The following DLG1 variants were observed in gnomAD, a reference collection of about 807,000 sequenced individuals.
DLG1 encodes disks large homolog 1.
A neutral mutation model predicts 123.4 loss-of-function variants in DLG1; 42 were observed. That is an observed-to-expected ratio of 0.34 (90% CI 0.27 to 0.44). The LOEUF (loss-of-function observed/expected upper bound fraction) is 0.44, where lower values mean the gene tolerates loss of function less well. Among genes scored for constraint, DLG1 ranks in the 20% least tolerant of loss-of-function variants. The pLI is 1.00. For synonymous variants in DLG1, 317 were observed against 356.2 expected (o/e 0.89, Z 1.24); for missense variants, 942 against 1,082.6 (o/e 0.87, Z 1.82).
chr3:197,122,758 TAAG>T (rs1040993444), intron 11 of DLG1, among the ~76,000 whole-genome samples: 39 of 152,238 alleles, frequency 2.6e-4, no homozygotes, highest in Non-Finnish European at 2.6e-4. Flanking sequence ...AGAGAGAATG[TAAG>T]AAGGACTTCA....
At chr3:197,229,810 G>C (rs979067594) in intron 4 of DLG1, among the ~76,000 whole-genome samples, 3 of 152,132 alleles carry the variant, frequency 2.0e-5, no homozygotes, top group African/African-American at 7.2e-5. Flanking sequence ...ATCCAAATAT[G>C]ATTATTTGGA....
At chr3:197,109,154 A>C (rs1186353600) in intron 13 of DLG1, among the ~76,000 whole-genome samples, 4 of 152,216 alleles carry the variant, frequency 2.6e-5, no homozygotes, top group African/African-American at 9.6e-5. Context: ...TCACTTGAGT[A>C]CAACACTTTG....
At chr3:197,084,761 A>C (rs547538548) in intron 16 of DLG1, among the ~76,000 whole-genome samples, 20 of 151,610 alleles carry the variant, frequency 1.3e-4, no homozygotes, top group African/African-American at 4.4e-4. Context: ...TTTTATGTGT[A>C]TATTTTATAT....
intron 20 of DLG1, among the ~76,000 whole-genome samples, chr3:197,066,477 T>C (rs1328168402): frequency 6.6e-6 from 1 of 152,138 alleles, no homozygotes; most frequent in Non-Finnish European, 1.5e-5. Flanking sequence ...GGAACAAAGT[T>C]GCTTGGGAAA....
At chr3:197,273,849 C>CAA (rs58880007) in intron 4 of DLG1, among the ~76,000 whole-genome samples, 2 of 48,708 alleles carry the variant, frequency 4.1e-5, no homozygotes, top group Non-Finnish European at 7.6e-5. Context: ...TAATAGCTAC[C>CAA]AAAAAAAAAA....
chr3:197,282,764 G>A lies in DLG1; in HGVS notation c.233C>T (p.Pro78Leu), dbSNP rs113378155. Residue 78 changes from proline to leucine, a missense_variant, in exon 4 of 25, where the codon CCT (proline) becomes CTT (leucine). Pro to Leu is a moderately conservative substitution (Grantham distance 98). Coordinates refer to ENST00000667157, the MANE Select transcript of DLG1 (RefSeq NM_001366207.1). ...GCTGGAAATCTCCCAAGTATTCACA[G>A]GTTGAATTGGTTCAGACGGCTTTGA... ...DRSKPSEPIQ[P>L]VNTWEISSLP... 14 of 1,612,036 alleles carry A rather than the reference G, an allele frequency of 8.7e-6. No homozygotes were observed. The highest frequency in any genetic ancestry group is 1.7e-4 in the Middle Eastern group (1 of 6,056).
intron 3 of DLG1, among the ~76,000 whole-genome samples, chr3:197,287,055 A>T (rs1465566205): frequency 2.0e-5 from 3 of 151,140 alleles, no homozygotes; most frequent in African/African-American, 7.3e-5. Flanking sequence ...TTTTTTTCCT[A>T]AGACAGGGTC....
intron 4 of DLG1, among the ~76,000 whole-genome samples, chr3:197,197,824 G>A (rs186463421): frequency 6.6e-6 from 1 of 152,320 alleles, no homozygotes; most frequent in African/African-American, 2.4e-5. Context: ...ATTGAATAAA[G>A]AGTCCAGAAA....
intron 6 of DLG1, 75 bp from the exon 7 acceptor site, chr3:197,142,843 G>A: frequency 1.7e-6 from 2 of 1,159,090 alleles, no homozygotes; most frequent in Admixed American, 2.2e-5. Flanking sequence ...ATTTTTGTAT[G>A]ATTTATTAAT....
At chr3:197,087,664 CT>C (rs757649188) in intron 15 of DLG1, among the ~76,000 whole-genome samples, 25 of 152,090 alleles carry the variant, frequency 1.6e-4, no homozygotes, top group Non-Finnish European at 3.5e-4. Context: ...CTGGATGATG[CT>C]AATTAAATTT....
chr3:197,290,796 C>T (rs892417893), intron 3 of DLG1, among the ~76,000 whole-genome samples: 1 of 150,746 alleles, frequency 6.6e-6, no homozygotes, highest in African/African-American at 2.4e-5. Context: ...TACTCAGGAG[C>T]CTGAGGCAGG....
At chr3:197,098,604 G>A (rs145113373) in intron 14 of DLG1, among the ~76,000 whole-genome samples, 25 of 151,564 alleles carry the variant, frequency 1.6e-4, no homozygotes, top group South Asian at 6.3e-4. Context: ...GTGCAATTCC[G>A]GCTCATCGCA....
At chr3:197,108,740 C>T (rs920675448) in intron 13 of DLG1, among the ~76,000 whole-genome samples, 1 of 152,062 alleles carries the variant, frequency 6.6e-6, no homozygotes, top group African/African-American at 2.4e-5. Context: ...TTACTTTCAA[C>T]CTTTTTGTGT....
At position 197,138,210 on chromosome 3, in the gene DLG1, CT is replaced by C; in HGVS notation, c.883+11del. ...TTCTTAAAGATTTATCTTAGTTTGA[CT>C]TACCACATACCTTTAGGACCTTTAA... On this transcript the variant is annotated intron_variant, in intron 9 of 24. Coordinates refer to ENST00000667157, the MANE Select transcript of DLG1 (RefSeq NM_001366207.1). 6.7e-7 allele frequency: 1 copy of C among 1,481,910 alleles called. No individual in the cohort carries two copies. The highest frequency in any genetic ancestry group is 1.4e-5 in the South Asian group (1 of 69,690). The allele number at this position is 1,481,910 out of a possible 1,614,324, so 91.8% of individuals were successfully genotyped here. A position where few individuals can be genotyped will look rare whatever the true frequency, so the allele number is the denominator to read the frequency against.
chr3:197,154,881 G>A (rs1795671613), intron 5 of DLG1, among the ~76,000 whole-genome samples: 2 of 152,100 alleles, frequency 1.3e-5, no homozygotes, highest in South Asian at 4.1e-4. Flanking sequence ...AAAGTACTGA[G>A]TCTGAAGAAC....
At chr3:197,287,230 T>C (rs528271794) in intron 3 of DLG1, among the ~76,000 whole-genome samples, 12 of 152,212 alleles carry the variant, frequency 7.9e-5, no homozygotes, top group Non-Finnish European at 1.3e-4. Context: ...TCCACTCAAT[T>C]CTTCTGTAAA....
intron 5 of DLG1, among the ~76,000 whole-genome samples, chr3:197,178,417 T>C (rs1561271197): frequency 6.6e-6 from 1 of 152,182 alleles, no homozygotes; most frequent in Non-Finnish European, 1.5e-5. Context: ...TAAAGAAGAT[T>C]GAGACCAATA....
chr3:197,273,186 A>ATGTG (rs1365600529), intron 4 of DLG1, among the ~76,000 whole-genome samples: 18 of 117,288 alleles, frequency 1.5e-4, no homozygotes, highest in East Asian at 6.5e-4. Flanking sequence ...TACACTGAAT[A>ATGTG]TATGTGTGTG....
intron 5 of DLG1, among the ~76,000 whole-genome samples, chr3:197,160,979 T>TG (rs1798551753): frequency 6.6e-6 from 1 of 152,212 alleles, no homozygotes; most frequent in Admixed American, 6.5e-5. Context: ...GGGCAGTTAA[T>TG]GTCTCAAGCC....
Sources: gnomAD v4.1 joint callset for allele counts (sites outside exome capture counted in the v4.1 genomes callset) on GRCh38, gnomAD v4.1.1 for gene constraint, MANE v1.5 for transcripts, NCBI Gene and HGNC (gene_info 2026-07-23, HGNC 2026-07-21) for gene names.